UHRF2: variants seen among roughly 807,000 people sequenced by gnomAD.
UHRF2 encodes ubiquitin like with PHD and ring finger domains 2.
UHRF2 carries 23 observed loss-of-function variants against 96.8 expected under a neutral mutation model. The observed-to-expected ratio is 0.24, with a 90% confidence interval of 0.17 to 0.34. The LOEUF is 0.34. Ranked by LOEUF, UHRF2 falls within the 10% of genes least tolerant of loss-of-function variation. The probability of loss-of-function intolerance (pLI) is 1.00; values close to 1 mark genes in which losing one functional copy is unlikely to be tolerated. For synonymous variants in UHRF2, 385 were observed against 332.6 expected (o/e 1.16, Z -1.72); for missense variants, 685 against 981.5 (o/e 0.70, Z 4.04).
At chr9:6,492,950 A>G (rs1824752725) in intron 9 of UHRF2, 1 of 148,756 alleles carries the variant, frequency 6.7e-6, no homozygotes, top group South Asian at 2.1e-4. Flanking sequence ...AATGTGTGAT[A>G]TGGGTGAACC....
chr9:6,438,859 C>G (rs775317729), intron 3 of UHRF2, among the ~76,000 whole-genome samples: 10 of 152,254 alleles, frequency 6.6e-5, no homozygotes, highest in Non-Finnish European at 1.2e-4. Flanking sequence ...AACTTCTACT[C>G]CAGTCAGAGC....
chr9:6,428,968 C>T (rs1488871533), intron 2 of UHRF2, among the ~76,000 whole-genome samples: 1 of 152,100 alleles, frequency 6.6e-6, no homozygotes, highest in Non-Finnish European at 1.5e-5. Context: ...AATTCGAGAC[C>T]AGCCTGGCCA....
At chr9:6,445,681 C>T (rs973215434) in intron 3 of UHRF2, among the ~76,000 whole-genome samples, 26 of 152,134 alleles carry the variant, frequency 1.7e-4, no homozygotes, top group African/African-American at 4.8e-4. Context: ...CCTCAGCCTC[C>T]TAAGTAGCTG....
At chr9:6,446,948 G>A (rs1821549493) in intron 3 of UHRF2, among the ~76,000 whole-genome samples, 1 of 152,066 alleles carries the variant, frequency 6.6e-6, no homozygotes, top group Admixed American at 6.5e-5. Flanking sequence ...GAGTGCAGTA[G>A]CACAATCTCG....
At chr9:6,460,316 C>A (rs966593057) in intron 3 of UHRF2, among the ~76,000 whole-genome samples, 3 of 152,086 alleles carry the variant, frequency 2.0e-5, no homozygotes, top group Non-Finnish European at 4.4e-5. Context: ...AACCTGCAAG[C>A]CATGAAGAGA....
At chr9:6,442,870 C>T (rs947036464) in intron 3 of UHRF2, among the ~76,000 whole-genome samples, 4 of 152,118 alleles carry the variant, frequency 2.6e-5, no homozygotes, top group African/African-American at 9.7e-5. Flanking sequence ...TTCTCTTTAT[C>T]CTCTTAAAAC....
chr9:6,419,900 C>T (rs550107164), intron 1 of UHRF2, among the ~76,000 whole-genome samples: 6 of 152,048 alleles, frequency 3.9e-5, no homozygotes, highest in South Asian at 2.1e-4. Flanking sequence ...CAATCACACC[C>T]GGCTACGTTT....
chr9:6,431,195 C>A (rs1181307469), intron 2 of UHRF2, among the ~76,000 whole-genome samples: 1 of 152,108 alleles, frequency 6.6e-6, no homozygotes, highest in Non-Finnish European at 1.5e-5. Flanking sequence ...TATGTCTATC[C>A]AATGTGCAGA....
intron 4 of UHRF2, among the ~76,000 whole-genome samples, chr9:6,470,141 G>A (rs1171386684): frequency 6.6e-6 from 1 of 152,172 alleles, no homozygotes; most frequent in Admixed American, 6.5e-5. Context: ...GGAAGGCCAA[G>A]GCGGGCAGAT....
At chr9:6,428,709 C>A (rs566579244) in intron 2 of UHRF2, among the ~76,000 whole-genome samples, 5 of 152,054 alleles carry the variant, frequency 3.3e-5, no homozygotes, top group Admixed American at 2.6e-4. Flanking sequence ...GCCACCATAC[C>A]CAGCTAATTT....
chr9:6,475,345 T>A (rs764017880), intron 4 of UHRF2, 46 bp from the exon 5 acceptor site: 1 of 1,240,946 alleles, frequency 8.1e-7, no homozygotes, highest in South Asian at 1.7e-5. Context: ...TGTATATACC[T>A]TAGATTTTGC....
chr9:6,417,507 A>G (rs1819676471), intron 1 of UHRF2, among the ~76,000 whole-genome samples: 1 of 152,228 alleles, frequency 6.6e-6, no homozygotes, highest in South Asian at 2.1e-4. Flanking sequence ...AATGTGGAAG[A>G]ACTTCGGTAC....
At chr9:6,479,220 T>C (rs1823776914) in intron 6 of UHRF2, among the ~76,000 whole-genome samples, 2 of 152,176 alleles carry the variant, frequency 1.3e-5, no homozygotes, top group African/African-American at 4.8e-5. Context: ...CCTCTCCTAT[T>C]CATACTTCAG....
At chr9:6,501,001 C>G (rs912037838) in intron 14 of UHRF2, among the ~76,000 whole-genome samples, 1 of 152,172 alleles carries the variant, frequency 6.6e-6, no homozygotes, top group Non-Finnish European at 1.5e-5. Flanking sequence ...TCATTTTAAT[C>G]TAAAAATCAC....
At chr9:6,479,649 G>A (rs1344718184) in intron 6 of UHRF2, among the ~76,000 whole-genome samples, 1 of 151,962 alleles carries the variant, frequency 6.6e-6, no homozygotes, top group Non-Finnish European at 1.5e-5. Flanking sequence ...TAGTTGACTG[G>A]GACCACAAAA....
chr9:6,423,651 A>C (rs1429020202), intron 2 of UHRF2, among the ~76,000 whole-genome samples: 1 of 126,042 alleles, frequency 7.9e-6, no homozygotes, highest in African/African-American at 3.4e-5. Context: ...TTTTTTTTTT[A>C]AAGAAAAGTC....
At chr9:6,479,633 G>A (rs113149326) in intron 6 of UHRF2, among the ~76,000 whole-genome samples, 81 of 152,262 alleles carry the variant, frequency 5.3e-4, no homozygotes, top group African/African-American at 1.9e-3. Flanking sequence ...CCTGTATGCA[G>A]TTGGTTAGTT....
chr9:6,420,529 C>T (rs373257104), intron 1 of UHRF2, among the ~76,000 whole-genome samples: 12 of 151,284 alleles, frequency 7.9e-5, no homozygotes, highest in African/African-American at 1.5e-4. Context: ...GGTGAAACCC[C>T]GTCTCTACTA....
intron 3 of UHRF2, among the ~76,000 whole-genome samples, chr9:6,458,031 TAGGG>T (rs1822290302): frequency 6.6e-6 from 1 of 152,202 alleles, no homozygotes; most frequent in African/African-American, 2.4e-5. Context: ...TAAAATGAGT[TAGGG>T]AGGAGTCCCT....
Sources: allele counts gnomAD v4.1 joint callset (sites outside exome capture counted in the v4.1 genomes callset), GRCh38; gene constraint gnomAD v4.1.1; transcripts MANE v1.5; gene names NCBI Gene and HGNC (gene_info 2026-07-23, HGNC 2026-07-21).